The following NAA11 variants were observed in gnomAD, a reference collection of about 807,000 sequenced individuals.
NAA11 encodes the protein N-alpha-acetyltransferase 11.
In NAA11, 15 loss-of-function variants were observed where a neutral mutation model predicts 16.1. The ratio of observed to expected loss-of-function variants is 0.93; its 90% CI spans 0.62 to 1.44. The LOEUF is 1.44. Among genes scored for constraint, NAA11 ranks in the 40% most tolerant of loss-of-function variants. The pLI is 0.00. For synonymous variants in NAA11, 122 were observed against 112.4 expected (o/e 1.09, Z -0.54); for missense variants, 298 against 291.3 (o/e 1.02, Z -0.17).
the NAA11 span, among the ~76,000 whole-genome samples, chr4:79,168,819 G>A: frequency 2.0e-5 from 3 of 152,100 alleles, no homozygotes; most frequent in Admixed American, 1.3e-4. Context: ...CATTCTGTAG[G>A]TTGCCTGTTC....
chr4:79,325,521 C>G lies in NAA11; in HGVS notation c.357G>C (p.Leu119Phe). 6.2e-7 allele frequency: 1 copy of G among 1,614,150 alleles called. No individual in the cohort carries two copies. The highest frequency in any genetic ancestry group is 8.5e-7 in the Non-Finnish European group (1 of 1,180,010). Residue 119 changes from leucine to phenylalanine, a missense_variant, in exon 1 of 2, where the codon TTG (leucine) becomes TTC (phenylalanine). Coordinates refer to ENST00000286794, the MANE Select transcript of NAA11 (RefSeq NM_032693.3). ...LHVRKSNRPALHLYSNTLNFQ... is the reference protein window; with the variant it reads ...LHVRKSNRPAFHLYSNTLNFQ... ...AGTTGAGGGTGTTAGAATAAAGGTGCAAGGCTGGCCGGTTACTCTTCCTGA... is the reference window on the plus strand; with the variant it reads ...AGTTGAGGGTGTTAGAATAAAGGTGGAAGGCTGGCCGGTTACTCTTCCTGA...
intron 2 of NAA11, among the ~76,000 whole-genome samples, chr4:79,268,704 AT>A (rs35515478): frequency 2.9e-4 from 44 of 150,878 alleles, no homozygotes; most frequent in South Asian, 1.5e-3. Context: ...GACACTTTGT[AT>A]TTTTTTTTAT....
chr4:79,321,451 G>T (rs182459539), intron 1 of NAA11, among the ~76,000 whole-genome samples: 2 of 152,268 alleles, frequency 1.3e-5, no homozygotes, highest in East Asian at 3.9e-4. Flanking sequence ...GAATGTATAT[G>T]AACCAGTTGA....
the NAA11 span, among the ~76,000 whole-genome samples, chr4:79,204,188 G>A: frequency 6.6e-6 from 1 of 151,904 alleles, no homozygotes; most frequent in Admixed American, 6.6e-5. Context: ...CCAAGATACA[G>A]ACAAATATTT....
At chr4:79,306,805 G>C (rs575550170) in intron 1 of NAA11, 2 of 152,234 alleles carry the variant, frequency 1.3e-5, no homozygotes, top group South Asian at 4.2e-4. Context: ...GAAGGTTCTG[G>C]AATATTTTTT....
At chr4:79,191,423 A>T in the NAA11 span, among the ~76,000 whole-genome samples, 3 of 151,580 alleles carry the variant, frequency 2.0e-5, no homozygotes, top group African/African-American at 7.3e-5. Context: ...CATTTTTCTA[A>T]TGATCAGTGA....
chr4:79,157,501 ATATG>A, the NAA11 span, among the ~76,000 whole-genome samples: 1 of 151,824 alleles, frequency 6.6e-6, no homozygotes, highest in African/African-American at 2.4e-5. Context: ...ACACACATAT[ATATG>A]TATGTATATA....
the NAA11 span, among the ~76,000 whole-genome samples, chr4:79,182,797 C>T: frequency 3.3e-5 from 5 of 152,066 alleles, no homozygotes; most frequent in African/African-American, 9.7e-5. Flanking sequence ...ATCTAAGCTA[C>T]CCTCAAAAAT....
the NAA11 span, among the ~76,000 whole-genome samples, chr4:79,164,590 A>G: frequency 6.6e-6 from 1 of 152,156 alleles, no homozygotes; most frequent in Non-Finnish European, 1.5e-5. Flanking sequence ...AACACTGCTA[A>G]ACAGCTTGGC....
the NAA11 span, among the ~76,000 whole-genome samples, chr4:79,196,955 C>CAAAAAAAAAAAAAAAAAA: frequency 1.5e-3 from 125 of 86,192 alleles, no homozygotes; most frequent in South Asian, 2.8e-3. Flanking sequence ...ATGAAAAAGA[C>CAAAAAAAAAAAAAAAAAA]AAAAAAAAAA....
At chr4:79,239,732 A>G (rs1721648875) in intron 2 of NAA11, among the ~76,000 whole-genome samples, 2 of 152,122 alleles carry the variant, frequency 1.3e-5, no homozygotes, top group African/African-American at 4.8e-5. Context: ...TGGACCTCTT[A>G]TAATGGACAC....
downstream of NAA11, among the ~76,000 whole-genome samples, chr4:79,222,768 A>C (rs1215166537): frequency 8.6e-5 from 13 of 151,806 alleles, no homozygotes; most frequent in African/African-American, 2.7e-4. Flanking sequence ...TAATATACAG[A>C]ATCTACAATG....
At chr4:79,204,032 T>TG in the NAA11 span, among the ~76,000 whole-genome samples, 1 of 151,906 alleles carries the variant, frequency 6.6e-6, no homozygotes, top group Admixed American at 6.6e-5. Flanking sequence ...TCAAGAAACT[T>TG]GCAGTCTCAA....
the NAA11 span, among the ~76,000 whole-genome samples, chr4:79,178,759 G>A: frequency 6.6e-6 from 1 of 152,144 alleles, no homozygotes; most frequent in Non-Finnish European, 1.5e-5. Context: ...AACCTTGGTG[G>A]TGGTTGTTGG....
intron 2 of NAA11, among the ~76,000 whole-genome samples, chr4:79,231,992 A>G (rs1721477318): frequency 6.6e-6 from 1 of 151,822 alleles, no homozygotes; most frequent in African/African-American, 2.4e-5. Context: ...TGACATTAAA[A>G]ATTTATTAAT....
At chr4:79,266,108 C>T (rs550440274) in intron 2 of NAA11, among the ~76,000 whole-genome samples, 1 of 152,284 alleles carries the variant, frequency 6.6e-6, no homozygotes, top group African/African-American at 2.4e-5. Context: ...CCCTCATATC[C>T]CCACTTCTCC....
At chr4:79,212,686 C>A in the NAA11 span, among the ~76,000 whole-genome samples, 6 of 151,932 alleles carry the variant, frequency 3.9e-5, no homozygotes, top group African/African-American at 1.5e-4. Flanking sequence ...TTCATAGTCA[C>A]GTAACTTATA....
At position 79,325,973 on chromosome 4, in the gene NAA11, A is replaced by G; in HGVS notation, c.-96T>C. 9.1e-7 allele frequency: 1 copy of G among 1,095,172 alleles called. No individual in the cohort carries two copies. The allele number at this position is 1,095,172 out of a possible 1,614,324, so 67.8% of individuals were successfully genotyped here. ...ACTGTTTGCCTCAGGAATCGAGTCC[A>G]GGGGGCTAACACCACCGGGCTGAAT... On this transcript the variant is annotated 5_prime_UTR_variant, in exon 1 of 2. Transcript: ENST00000286794.
chr4:79,325,944 G>C lies in NAA11; in HGVS notation c.-67C>G, dbSNP rs1237816358. 4.2e-6 allele frequency: 6 copies of C among 1,432,154 alleles called. No homozygotes were observed. In the East Asian group the frequency reaches 1.4e-4, roughly 33 times the overall value. 88.7% of individuals were successfully genotyped at this position (1,432,154 alleles called of 1,614,324 possible). On this transcript the variant is annotated 5_prime_UTR_variant, in exon 1 of 2. Coordinates refer to ENST00000286794, the MANE Select transcript of NAA11 (RefSeq NM_032693.3). The stretch of plus-strand genomic sequence containing the variant: ...AGAAGAGGCTGTCGCCGACCTTAAG[G>C]GGCACTGTTTGCCTCAGGAATCGAG...
Sources: allele counts gnomAD v4.1 joint callset (sites outside exome capture counted in the v4.1 genomes callset), GRCh38; gene constraint gnomAD v4.1.1; transcripts MANE v1.5; gene names NCBI Gene and HGNC (gene_info 2026-07-23, HGNC 2026-07-21).